Variants in BRAF observed in about 807,000 individuals in gnomAD.
The protein encoded by BRAF is B-Raf proto-oncogene, serine/threonine kinase, also known as serine/threonine-protein kinase B-raf.
In BRAF, 16 loss-of-function variants were observed where a neutral mutation model predicts 104.6. The observed-to-expected ratio is 0.15, with a 90% confidence interval of 0.10 to 0.23. The LOEUF is 0.23. Ranked by LOEUF, BRAF falls within the 10% of genes least tolerant of loss-of-function variation. The pLI, the probability that BRAF is intolerant of heterozygous loss-of-function variation, is 1.00. For synonymous variants in BRAF, 310 were observed against 341.6 expected (o/e 0.91, Z 1.02); for missense variants, 541 against 937.3 (o/e 0.58, Z 5.52).
chr7:140,739,221 C>CT (rs1391338574), intron 18 of BRAF, among the ~76,000 whole-genome samples: 1 of 151,786 alleles, frequency 6.6e-6, no homozygotes, highest in Non-Finnish European at 1.5e-5. Flanking sequence ...TATCATTTGC[C>CT]TTTTTTACTG....
At position 140,725,270 on chromosome 7, in the gene BRAF, A is replaced by T; in HGVS notation, c.*1224T>A. On this transcript the variant is annotated 3_prime_UTR_variant, in exon 20 of 20. Coordinates refer to ENST00000644969, the MANE Select transcript of BRAF (RefSeq NM_001374258.1). The stretch of plus-strand genomic sequence containing the variant: ...ATTATTAGCAAAGATGTTAGTGTGG[A>T]TCCAGCAAGTACCATTAATTGAAAA... 9.6e-7 allele frequency: 1 copy of T among 1,043,994 alleles called. No individual in the cohort carries two copies. The highest frequency in any genetic ancestry group is 1.2e-6 in the Non-Finnish European group (1 of 865,388). The allele number at this position is 1,043,994 out of a possible 1,614,324, so 64.7% of individuals were successfully genotyped here.
At chr7:140,728,637 C>T (rs572987739) in intron 19 of BRAF, among the ~76,000 whole-genome samples, 1 of 151,878 alleles carries the variant, frequency 6.6e-6, no homozygotes, top group South Asian at 2.1e-4. Context: ...TGGTAACACA[C>T]TCCAGAAATA....
chr7:140,888,415 T>G (rs62485365), intron 1 of BRAF, among the ~76,000 whole-genome samples: 45,378 of 151,822 alleles, frequency 0.3, 10,799 homozygotes, highest in African/African-American at 0.67. Context: ...GACTTAAAAT[T>G]AATTCCTACA....
chr7:140,847,496 T>C (rs1175625048), intron 2 of BRAF, among the ~76,000 whole-genome samples: 1 of 151,592 alleles, frequency 6.6e-6, no homozygotes, highest in Non-Finnish European at 1.5e-5. Flanking sequence ...GGTAGGAAAA[T>C]TGCTTGAACC....
rs575880944 is a variant in BRAF at position 140,811,974 on chromosome 7, C to T, written c.505-2979G>A. On this transcript the variant is annotated intron_variant, in intron 3 of 19. Coordinates refer to ENST00000644969, the MANE Select transcript of BRAF (RefSeq NM_001374258.1). ...CTGTGCCATTCGTCTTCCGCCTATA[C>T]TAATGCCAAAATTTCCTGACTGGTG... 1.6e-4 allele frequency among the ~76,000 whole-genome samples: 25 copies of T among 152,322 alleles called. No individual in the cohort carries two copies. In the South Asian group the frequency reaches 5.0e-3, roughly 30 times the overall value.
At chr7:140,917,961 A>T (rs1817799427) in intron 1 of BRAF, among the ~76,000 whole-genome samples, 1 of 152,204 alleles carries the variant, frequency 6.6e-6, no homozygotes, top group Non-Finnish European at 1.5e-5. Context: ...ATTGTTGAGG[A>T]ATTGTGAGAG....
chr7:140,893,706 G>A (rs763461894), intron 1 of BRAF, among the ~76,000 whole-genome samples: 2 of 152,100 alleles, frequency 1.3e-5, no homozygotes, highest in Non-Finnish European at 2.9e-5. Flanking sequence ...AGGGAGTGGG[G>A]GATGAGAGAA....
chr7:140,816,778 A>T (rs1562974485), intron 3 of BRAF, among the ~76,000 whole-genome samples: 1 of 152,176 alleles, frequency 6.6e-6, no homozygotes, highest in Non-Finnish European at 1.5e-5. Flanking sequence ...AACAACTCAA[A>T]GATGTTAAAA....
intron 1 of BRAF, among the ~76,000 whole-genome samples, chr7:140,913,469 CTT>C (rs369746551): frequency 2.3e-4 from 13 of 56,996 alleles, no homozygotes; most frequent in African/African-American, 9.7e-4. Context: ...TTAATCACAG[CTT>C]TTTTTTTTTT....
At chr7:140,801,940 G>T (rs1057411335) in intron 5 of BRAF, among the ~76,000 whole-genome samples, 1 of 152,144 alleles carries the variant, frequency 6.6e-6, no homozygotes, top group African/African-American at 2.4e-5. Flanking sequence ...AATGCCGACT[G>T]GTGTTGACGG....
chr7:140,734,272 C>CA, intron 19 of BRAF: 1 of 1,222,124 alleles, frequency 8.2e-7, no homozygotes, highest in Non-Finnish European at 1.0e-6. Flanking sequence ...TAGCTGGCAA[C>CA]AAAAGTTGCA....
chr7:140,805,788 A>G (rs1168773596), intron 5 of BRAF, among the ~76,000 whole-genome samples: 2 of 152,210 alleles, frequency 1.3e-5, no homozygotes, highest in Non-Finnish European at 2.9e-5. Flanking sequence ...CTTTTATAAT[A>G]TGAAACCATG....
intron 16 of BRAF, among the ~76,000 whole-genome samples, chr7:140,752,019 C>T (rs781203166): frequency 3.6e-4 from 55 of 152,062 alleles, no homozygotes; most frequent in Non-Finnish European, 6.9e-4. Flanking sequence ...TGATAAAGAA[C>T]TTTTGTTTAG....
rs1302317188 is a variant in BRAF at position 140,726,458 on chromosome 7, C to T, written c.*36G>A. On this transcript the variant is annotated 3_prime_UTR_variant, in exon 20 of 20. Coordinates refer to ENST00000644969, the MANE Select transcript of BRAF (RefSeq NM_001374258.1). ...GTTAACAAATTGTACGAACACAAGA[C>T]TTAAGAAATAAGAGCAGATGCTGCC... is the stretch of plus-strand genomic sequence containing the variant. The T allele has an allele frequency of 6.5e-7, 1 of 1,535,956 alleles. No individual in the cohort carries two copies. Among genetic ancestry groups the T allele is most frequent in the South Asian group, 1.2e-5 (1 of 83,898 alleles).
intron 14 of BRAF, among the ~76,000 whole-genome samples, chr7:140,756,681 T>C (rs988289545): frequency 1.3e-5 from 2 of 152,218 alleles, no homozygotes; most frequent in Admixed American, 6.5e-5. Flanking sequence ...GATAATTAGA[T>C]TGGACCTCCC....
In BRAF at chr7:140,814,222, T is replaced by C. The variant is rs548315381; in HGVS notation, c.505-5227A>G. Among the ~76,000 whole-genome samples, 4 of 152,316 alleles carry C rather than the reference T, an allele frequency of 2.6e-5. No individual in the cohort carries two copies. In the South Asian group the frequency reaches 6.2e-4, roughly 24 times the overall value. On this transcript the variant is annotated intron_variant, in intron 3 of 19. Coordinates refer to ENST00000644969, the MANE Select transcript of BRAF (RefSeq NM_001374258.1). ...AAAGGAGCCAGAGTCAATGGAACCA[T>C]GTGAATATTTGCCAAGGAAACTTTA...
At chr7:140,745,304 C>A (rs1797260859) in intron 17 of BRAF, among the ~76,000 whole-genome samples, 1 of 151,870 alleles carries the variant, frequency 6.6e-6, no homozygotes, top group Non-Finnish European at 1.5e-5. Flanking sequence ...CAAGGAGATA[C>A]ATAGTTTTTC....
intron 3 of BRAF, among the ~76,000 whole-genome samples, chr7:140,821,210 C>T (rs1030470614): frequency 1.3e-5 from 2 of 152,070 alleles, no homozygotes; most frequent in African/African-American, 4.8e-5. Context: ...TCTTGAACTC[C>T]TGGGCTCAAG....
chr7:140,792,547 T>G (rs990951394), intron 8 of BRAF, among the ~76,000 whole-genome samples: 3 of 152,202 alleles, frequency 2.0e-5, no homozygotes, highest in Non-Finnish European at 4.4e-5. Context: ...CCTAACCCCC[T>G]TATGTAGTGT....
Sources: allele counts gnomAD v4.1 joint callset (sites outside exome capture counted in the v4.1 genomes callset), GRCh38; gene constraint gnomAD v4.1.1; transcripts MANE v1.5; gene names NCBI Gene and HGNC (gene_info 2026-07-23, HGNC 2026-07-21).